The following TMOD1 variants were observed in gnomAD, a reference collection of about 807,000 sequenced individuals.
TMOD1 encodes the protein tropomodulin 1.
In TMOD1, 17 loss-of-function variants were observed where a neutral mutation model predicts 40.6. The observed-to-expected ratio is 0.42, with a 90% CI of 0.29 to 0.63. The LOEUF is 0.63. Ranked by LOEUF, TMOD1 falls within the 20% of genes least tolerant of loss-of-function variation. The pLI, the probability that TMOD1 is intolerant of heterozygous loss-of-function variation, is 0.22. For synonymous variants in TMOD1, 181 were observed against 175.0 expected, an observed-to-expected ratio of 1.03 and a Z score of -0.27; for missense variants, 391 against 447.6, an observed-to-expected ratio of 0.87 and a Z score of 1.14.
chr9:97,562,026 C>T (rs1021575469), intron 4 of TMOD1, among the ~76,000 whole-genome samples: 5 of 152,210 alleles, frequency 3.3e-5, no homozygotes, highest in South Asian at 4.1e-4. Context: ...GCTCCATGAG[C>T]GGAGACCCAG....
Position 97,546,347 on chromosome 9 carries a change from G to T in TMOD1, c.277+6G>T. ...CTACACAGGGGAAAAACGAGGTACT[G>T]AACAATGTTACTGTTATAATATGCC... On this transcript the variant is annotated splice_donor_region_variant and intron_variant, in intron 3 of 9. Transcript: ENST00000259365. 3 of 1,612,302 alleles carry T rather than the reference G, an allele frequency of 1.9e-6. No homozygotes were observed. The South Asian group carries it at 3.3e-5, about 18-fold the overall frequency.
At position 97,502,424 on chromosome 9, in the gene TMOD1, G is replaced by T. The variant is rs1396799732; in HGVS notation, c.-49+621G>T. Among the ~76,000 whole-genome samples the T allele has an allele frequency of 6.6e-6, 1 of 152,236 alleles. No individual in the cohort carries two copies. Among genetic ancestry groups the T allele is most frequent in the Non-Finnish European group, 1.5e-5 (1 of 68,042 alleles). On this transcript the variant is annotated intron_variant, in intron 1 of 9. Transcript: ENST00000259365. This position sits in a 1 kb window ranked among gnomAD's most constrained non-coding sequence, Gnocchi z 6.1. ...ACGCGGCCAAGTGGAGCTGGAAAGA[G>T]CTTGGAGGCGGGAGCCCCAGGTTGT...
In TMOD1 at chr9:97,557,309, C is replaced by T. The variant is rs1830551527; in HGVS notation, c.397+3909C>T. ...TAGGTCAGAGGCTGCTGGGAGTCAG[C>T]AAGCACTTGTAATTCGCAGTGCCTC... On this transcript the variant is annotated intron_variant, in intron 4 of 9. Coordinates refer to ENST00000259365, the MANE Select transcript of TMOD1 (RefSeq NM_003275.4). This position sits in a 1 kb window ranked among gnomAD's most constrained non-coding sequence, Gnocchi z 4.4. 6.6e-6 allele frequency among the ~76,000 whole-genome samples: 1 copy of T among 152,188 alleles called. No individual in the cohort carries two copies. The highest frequency in any genetic ancestry group is 1.5e-5 in the Non-Finnish European group (1 of 68,040).
chr9:97,535,954 G>T (rs1198313868), intron 2 of TMOD1, among the ~76,000 whole-genome samples: 2 of 152,190 alleles, frequency 1.3e-5, no homozygotes, highest in Non-Finnish European at 2.9e-5. Context: ...TAGGGCAGAG[G>T]CTGTGTCTGG....
chr9:97,589,440 T>C (rs1282467152), intron 8 of TMOD1, among the ~76,000 whole-genome samples: 1 of 150,700 alleles, frequency 6.6e-6, no homozygotes, highest in Admixed American at 6.6e-5. Context: ...CCCAGCTACT[T>C]TTTGTATTTT....
chr9:97,541,573 C>T (rs1348555521), intron 2 of TMOD1, among the ~76,000 whole-genome samples: 5 of 149,530 alleles, frequency 3.3e-5, no homozygotes, highest in African/African-American at 1.2e-4. Context: ...TGGAGTCTAG[C>T]GGCGTGATCT....
At chr9:97,566,917 T>C (rs1269462041) in intron 7 of TMOD1, among the ~76,000 whole-genome samples, 2 of 152,158 alleles carry the variant, frequency 1.3e-5, no homozygotes, top group Non-Finnish European at 2.9e-5. Flanking sequence ...CAGCTTCCAC[T>C]TTCATAAAGA....
At chr9:97,540,395 T>G (rs1402722880) in intron 2 of TMOD1, among the ~76,000 whole-genome samples, 1 of 152,200 alleles carries the variant, frequency 6.6e-6, no homozygotes, top group African/African-American at 2.4e-5. Context: ...TGGTATCTCT[T>G]CTTATAGGGA....
chr9:97,592,731 T>TACAC (rs201709649), intron 9 of TMOD1, among the ~76,000 whole-genome samples: 1 of 151,484 alleles, frequency 6.6e-6, no homozygotes, highest in South Asian at 2.1e-4. Flanking sequence ...ACCACAGGAT[T>TACAC]ACACACACAC....
chr9:97,581,083 C>T (rs1309418297), intron 8 of TMOD1, among the ~76,000 whole-genome samples: 11 of 147,494 alleles, frequency 7.5e-5, no homozygotes, highest in Non-Finnish European at 7.5e-5. Context: ...CATGCTGGTG[C>T]GCTGCACCCA....
intron 8 of TMOD1, among the ~76,000 whole-genome samples, chr9:97,575,937 A>AT (rs1456285457): frequency 6.6e-6 from 1 of 152,200 alleles, no homozygotes; most frequent in African/African-American, 2.4e-5. Flanking sequence ...TTTTAATTTG[A>AT]AAGCGCCTAT....
chr9:97,528,849 T>A (rs1279997159), intron 2 of TMOD1, among the ~76,000 whole-genome samples: 1 of 152,278 alleles, frequency 6.6e-6, no homozygotes, highest in Non-Finnish European at 1.5e-5. Flanking sequence ...CTCTCTGTTA[T>A]AGTCCATATT....
At chr9:97,543,453 C>T (rs1353543566) in intron 2 of TMOD1, among the ~76,000 whole-genome samples, 4 of 152,208 alleles carry the variant, frequency 2.6e-5, no homozygotes, top group African/African-American at 9.6e-5. Flanking sequence ...TGACCGTTTA[C>T]TATGTTAGGC....
intron 1 of TMOD1, among the ~76,000 whole-genome samples, chr9:97,509,057 G>A (rs1255574704): frequency 6.6e-6 from 1 of 152,158 alleles, no homozygotes; most frequent in Non-Finnish European, 1.5e-5. Flanking sequence ...GTAGGAATGA[G>A]GCATGGAACA....
At chr9:97,572,275 G>C (rs1587950902) in intron 8 of TMOD1, among the ~76,000 whole-genome samples, 1 of 152,316 alleles carries the variant, frequency 6.6e-6, no homozygotes, top group Admixed American at 6.5e-5. Context: ...GGTACCCCCA[G>C]AGGAAAGCCA....
At chr9:97,563,592 A>T (rs1182438818) in intron 5 of TMOD1, among the ~76,000 whole-genome samples, 2 of 151,686 alleles carry the variant, frequency 1.3e-5, no homozygotes, top group African/African-American at 2.4e-5. Flanking sequence ...TGCCTTAATT[A>T]CTCCACTGCA....
chr9:97,591,216 G>A, intron 8 of TMOD1, 75 bp from the exon 9 acceptor site: 1 of 1,441,508 alleles, frequency 6.9e-7, no homozygotes, highest in Non-Finnish European at 9.3e-7. Flanking sequence ...TCTGCAGGTA[G>A]AGGTGGTTTA....
At chr9:97,555,827 C>G (rs879412714) in intron 4 of TMOD1, 1 of 877,470 alleles carries the variant, frequency 1.1e-6, no homozygotes, top group Admixed American at 2.0e-5. Flanking sequence ...GGTTAAATGC[C>G]TTGCCCAAAG....
chr9:97,544,408 C>T (rs755545980), intron 2 of TMOD1, among the ~76,000 whole-genome samples: 110 of 151,812 alleles, frequency 7.2e-4, no homozygotes, highest in East Asian at 3.1e-3. Flanking sequence ...TGGTGGCATG[C>T]GCCTGTAGTC....
Sources: allele counts gnomAD v4.1 joint callset (sites outside exome capture counted in the v4.1 genomes callset), GRCh38; gene constraint gnomAD v4.1.1; non-coding constraint Gnocchi (gnomAD v3.1); transcripts MANE v1.5; gene names NCBI Gene and HGNC (gene_info 2026-07-23, HGNC 2026-07-21).